Variants in TMCO5A observed in about 807,000 individuals in gnomAD.
The protein encoded by TMCO5A is transmembrane and coiled-coil domains 5A.
In TMCO5A, 34 loss-of-function variants were observed where a neutral mutation model predicts 42.3. That is an observed-to-expected ratio of 0.80 (90% CI 0.61 to 1.07). The LOEUF (loss-of-function observed/expected upper bound fraction) is 1.07, where lower values mean the gene tolerates loss of function less well. TMCO5A is among the 50% of genes least tolerant of loss of function. TMCO5A has a pLI of 0.00. For missense variants in TMCO5A, 357 were observed against 327.9 expected (o/e 1.09, Z -0.69); for synonymous variants, 131 against 115.6 (o/e 1.13, Z -0.86).
the TMCO5A span, among the ~76,000 whole-genome samples, chr15:38,028,354 A>C: frequency 6.6e-6 from 1 of 152,208 alleles, no homozygotes; most frequent in East Asian, 1.9e-4. Context: ...GACCAGTTTC[A>C]TAGGAAACAG....
chr15:37,987,107 G>A, the TMCO5A span, among the ~76,000 whole-genome samples: 3 of 152,126 alleles, frequency 2.0e-5, no homozygotes, highest in Non-Finnish European at 2.9e-5. Flanking sequence ...CCTAATGTGT[G>A]TAAGGTGATA....
At chr15:37,964,370 C>T (rs1890506751) in intron 11 of TMCO5A, among the ~76,000 whole-genome samples, 1 of 152,104 alleles carries the variant, frequency 6.6e-6, no homozygotes, top group Non-Finnish European at 1.5e-5. Flanking sequence ...GGTCTTTCAG[C>T]CATGGATACC....
the TMCO5A span, among the ~76,000 whole-genome samples, chr15:37,997,006 C>T: frequency 0.017 from 2,533 of 152,292 alleles, 80 homozygotes; most frequent in African/African-American, 0.059. Context: ...AAAAAATTCT[C>T]ATTAGGATGA....
chr15:37,965,547 C>T (rs1398206436), intron 11 of TMCO5A, among the ~76,000 whole-genome samples: 1 of 152,090 alleles, frequency 6.6e-6, no homozygotes, highest in Non-Finnish European at 1.5e-5. Flanking sequence ...ATAAGGAGCT[C>T]AAACAACTTT....
At chr15:38,027,574 C>T in the TMCO5A span, among the ~76,000 whole-genome samples, 2 of 152,066 alleles carry the variant, frequency 1.3e-5, no homozygotes, top group African/African-American at 4.8e-5. Flanking sequence ...TGAGTTAATA[C>T]TTTGGGGGAC....
At chr15:38,034,744 G>C in the TMCO5A span, among the ~76,000 whole-genome samples, 2,392 of 152,140 alleles carry the variant, frequency 0.016, 56 homozygotes, top group African/African-American at 0.055. Context: ...TTGCCTACCA[G>C]ACAGCTCCAC....
downstream of TMCO5A, among the ~76,000 whole-genome samples, chr15:37,972,016 T>G (rs919086150): frequency 6.6e-6 from 1 of 152,222 alleles, no homozygotes; most frequent in Non-Finnish European, 1.5e-5. Context: ...TGAGTATCTT[T>G]TCAGCAGTGC....
At chr15:37,977,801 C>T in the TMCO5A span, among the ~76,000 whole-genome samples, 2 of 152,186 alleles carry the variant, frequency 1.3e-5, no homozygotes, top group Non-Finnish European at 2.9e-5. Context: ...TTTCTTACAG[C>T]TCTACCCTCA....
At chr15:37,977,261 G>C in the TMCO5A span, among the ~76,000 whole-genome samples, 1 of 152,294 alleles carries the variant, frequency 6.6e-6, no homozygotes, top group East Asian at 1.9e-4. Context: ...TGGGGAACTA[G>C]TGCAGTTGTT....
At chr15:37,978,879 A>G in the TMCO5A span, among the ~76,000 whole-genome samples, 1 of 152,156 alleles carries the variant, frequency 6.6e-6, no homozygotes, top group Non-Finnish European at 1.5e-5. Context: ...GCTTTGACTC[A>G]TGGTGGAAGG....
At chr15:37,979,674 G>A in the TMCO5A span, among the ~76,000 whole-genome samples, 2 of 152,018 alleles carry the variant, frequency 1.3e-5, no homozygotes, top group African/African-American at 4.8e-5. Flanking sequence ...AGCTGTGCTC[G>A]GTGGAGGGCT....
chr15:38,013,731 T>G, the TMCO5A span, among the ~76,000 whole-genome samples: 1 of 152,234 alleles, frequency 6.6e-6, no homozygotes. Context: ...TTCTATTTTA[T>G]TTTTCCTGAT....
the TMCO5A span, among the ~76,000 whole-genome samples, chr15:38,038,012 CA>C: frequency 3.8e-3 from 377 of 100,138 alleles, 2 homozygotes; most frequent in African/African-American, 0.011. Flanking sequence ...GACTCCGTCT[CA>C]AAAAAAAAAA....
chr15:37,946,174 T>C (rs1188323075), intron 10 of TMCO5A, among the ~76,000 whole-genome samples: 1 of 152,086 alleles, frequency 6.6e-6, no homozygotes, highest in Non-Finnish European at 1.5e-5. Context: ...GATCAGATGG[T>C]TGTAGGTGAG....
chr15:37,966,810 G>A, exon 12 of TMCO5A: 1 of 658,172 alleles, frequency 1.5e-6, no homozygotes, highest in South Asian at 1.7e-5. Context: ...TGGCCAGAGG[G>A]ATGGAGTACT....
At chr15:37,967,352 A>G (rs1310459264) in exon 12 of TMCO5A, 2 of 152,232 alleles carry the variant, frequency 1.3e-5, no homozygotes, top group Non-Finnish European at 2.9e-5. Context: ...AAGAAAGCTG[A>G]TATCAAGCAG....
chr15:37,964,902 T>A (rs889873475), intron 11 of TMCO5A, among the ~76,000 whole-genome samples: 2 of 151,934 alleles, frequency 1.3e-5, no homozygotes, highest in African/African-American at 4.8e-5. Flanking sequence ...CACATAAATT[T>A]AAAAAAACTA....
In TMCO5A at chr15:37,945,092, A is replaced by T. The variant is rs1402502108; in HGVS notation, c.627+1694A>T. Among the ~76,000 whole-genome samples the T allele has an allele frequency of 2.0e-5, 3 of 152,000 alleles. No individual in the cohort carries two copies. In the East Asian group the frequency reaches 5.8e-4, roughly 29 times the overall value. The stretch of plus-strand genomic sequence containing the variant: ...CTGCATGTGTCCATGTGTTCTCATC[A>T]TTCAGCTCCCACTTATAAGTGAGAA... On this transcript the variant is annotated intron_variant, in intron 10 of 11. Coordinates refer to ENST00000319669, the MANE Select transcript of TMCO5A (RefSeq NM_152453.4).
At chr15:38,007,911 T>C in the TMCO5A span, among the ~76,000 whole-genome samples, 41 of 110,814 alleles carry the variant, frequency 3.7e-4, no homozygotes, top group Admixed American at 6.0e-4. Context: ...TTTTTTTTTT[T>C]GTGAGACAGA....
Sources: gnomAD v4.1 joint callset for allele counts (sites outside exome capture counted in the v4.1 genomes callset) on GRCh38, gnomAD v4.1.1 for gene constraint, MANE v1.5 for transcripts, NCBI Gene and HGNC (gene_info 2026-07-23, HGNC 2026-07-21) for gene names.